DTNA: variants seen among roughly 807,000 people sequenced by gnomAD.
The protein encoded by DTNA is dystrophin-related protein 3.
In DTNA, 43 loss-of-function variants were observed where a neutral mutation model predicts 100.7. That is an observed-to-expected ratio of 0.43 (90% CI 0.33 to 0.55). The LOEUF is 0.55. DTNA is among the 20% of genes least tolerant of loss of function. The pLI, the probability that DTNA is intolerant of heterozygous loss-of-function variation, is 0.04. For synonymous variants in DTNA, 349 were observed against 347.9 expected, an observed-to-expected ratio of 1.00 and a Z score of -0.04; for missense variants, 798 against 953.9, an observed-to-expected ratio of 0.84 and a Z score of 2.15.
intron 1 of DTNA, among the ~76,000 whole-genome samples, chr18:34,611,566 T>C (rs2054215886): frequency 6.6e-6 from 1 of 152,166 alleles, no homozygotes. Flanking sequence ...ACTCCAGGCA[T>C]ACTCTGTAGC....
intron 1 of DTNA, among the ~76,000 whole-genome samples, chr18:34,703,684 C>A (rs1040419427): frequency 1.3e-5 from 2 of 152,126 alleles, no homozygotes; most frequent in South Asian, 4.1e-4. Context: ...ACCACAGACA[C>A]CCAGAAGTGT....
chr18:34,531,082 A>G (rs2145494164), intron 1 of DTNA, among the ~76,000 whole-genome samples: 1 of 152,292 alleles, frequency 6.6e-6, no homozygotes, highest in Non-Finnish European at 1.5e-5. Flanking sequence ...TTACACAGTC[A>G]CTTAGGTCAA....
chr18:34,653,200 T>C (rs1328292097), intron 1 of DTNA, among the ~76,000 whole-genome samples: 1 of 152,214 alleles, frequency 6.6e-6, no homozygotes, highest in African/African-American at 2.4e-5. Context: ...TTTATTCTTA[T>C]AATCATGGTA....
chr18:34,706,461 A>G (rs551812099), upstream of DTNA, among the ~76,000 whole-genome samples: 1 of 152,282 alleles, frequency 6.6e-6, no homozygotes, highest in South Asian at 2.1e-4. Flanking sequence ...TTCACTAAGA[A>G]TACATTCAGA....
chr18:34,622,106 A>G (rs2056606783), intron 1 of DTNA, among the ~76,000 whole-genome samples: 1 of 152,184 alleles, frequency 6.6e-6, no homozygotes, highest in African/African-American at 2.4e-5. Flanking sequence ...GTAATAATGT[A>G]TACTTGAAAA....
At chr18:34,871,283 T>A (rs1012551745) in intron 17 of DTNA, among the ~76,000 whole-genome samples, 1 of 152,210 alleles carries the variant, frequency 6.6e-6, no homozygotes, top group African/African-American at 2.4e-5. Context: ...AATGTATGAA[T>A]CTTGTCAGAC....
intron 6 of DTNA, among the ~76,000 whole-genome samples, chr18:34,814,791 CTGTTA>C (rs1290280772): frequency 1.3e-5 from 2 of 152,048 alleles, no homozygotes; most frequent in Non-Finnish European, 2.9e-5. Context: ...ATAGACTGTT[CTGTTA>C]TATGATTTAT....
intron 11 of DTNA, among the ~76,000 whole-genome samples, chr18:34,835,208 A>G (rs1417816974): frequency 6.6e-6 from 1 of 152,226 alleles, no homozygotes; most frequent in Non-Finnish European, 1.5e-5. Context: ...GTGAGTATCA[A>G]AAAGTTAGAA....
intron 10 of DTNA, chr18:34,828,924 G>A (rs1395338945): frequency 6.9e-6 from 8 of 1,164,376 alleles, no homozygotes; most frequent in Non-Finnish European, 1.0e-5. Context: ...CATCTATCTA[G>A]GGAAGACCTG....
chr18:34,863,800 TC>T (rs1388432821), intron 16 of DTNA, among the ~76,000 whole-genome samples, 165 bp from the exon 17 acceptor site: 1 of 152,202 alleles, frequency 6.6e-6, no homozygotes, highest in Non-Finnish European at 1.5e-5. Flanking sequence ...AAGAAACACT[TC>T]CAGCTGTAAT....
intron 1 of DTNA, among the ~76,000 whole-genome samples, chr18:34,712,085 A>T (rs2083007471): frequency 1.3e-5 from 2 of 152,122 alleles, no homozygotes; most frequent in African/African-American, 4.8e-5. Context: ...AATTATTGAA[A>T]CTGACAATAT....
At chr18:34,738,689 T>A (rs375185315) in intron 1 of DTNA, among the ~76,000 whole-genome samples, 17 of 152,168 alleles carry the variant, frequency 1.1e-4, no homozygotes, top group African/African-American at 3.9e-4. Flanking sequence ...GGGTTTAGGA[T>A]GTCTGATAGA....
intron 1 of DTNA, among the ~76,000 whole-genome samples, chr18:34,565,008 A>G (rs1184222784): frequency 1.3e-5 from 2 of 152,252 alleles, no homozygotes; most frequent in Non-Finnish European, 2.9e-5. Flanking sequence ...ACTCTACCTT[A>G]TAGTAATAGT....
In DTNA at chr18:34,641,564, A is replaced by G. The variant is rs16965710; in HGVS notation, c.-1-114412A>G. On this transcript the variant is annotated intron_variant, in intron 1 of 19. Transcript: ENST00000283365. ...TCTTCTTTTATCCAGGTGGAACAAT[A>G]TCAATAATTCATTTAATCAATCTAT... Among the ~76,000 whole-genome samples the G allele has an allele frequency of 6.0e-3, 918 of 152,316 alleles. 13 individuals carry two copies. The highest frequency in any genetic ancestry group is 0.021 in the African/African-American group (871 of 41,568).
At chr18:34,622,590 GGCAGGTTCCGT>G (rs377700585) in intron 1 of DTNA, among the ~76,000 whole-genome samples, 37 of 152,298 alleles carry the variant, frequency 2.4e-4, no homozygotes, top group African/African-American at 7.7e-4. Context: ...CCTCAATGCG[GGCAGGTTCCGT>G]GCAATCTGCT....
At chr18:34,829,543 T>C in intron 11 of DTNA, 54 bp downstream of exon 11, 1 of 1,427,428 alleles carries the variant, frequency 7.0e-7, no homozygotes, top group South Asian at 1.5e-5. Flanking sequence ...ATAGCTAGAC[T>C]GATAAGTCAT....
At chr18:34,608,611 T>C (rs1256220793) in intron 1 of DTNA, among the ~76,000 whole-genome samples, 3 of 152,152 alleles carry the variant, frequency 2.0e-5, no homozygotes, top group South Asian at 2.1e-4. Flanking sequence ...ATGGGACTTA[T>C]GAAATCACAA....
intron 1 of DTNA, among the ~76,000 whole-genome samples, chr18:34,727,014 A>G (rs1335524681): frequency 2.6e-5 from 4 of 152,214 alleles, no homozygotes; most frequent in Non-Finnish European, 5.9e-5. Flanking sequence ...TCACTTGTGC[A>G]TTCTGTGTGC....
chr18:34,537,909 A>G (rs1362120175), intron 1 of DTNA, among the ~76,000 whole-genome samples: 5 of 152,076 alleles, frequency 3.3e-5, no homozygotes, highest in Non-Finnish European at 7.4e-5. Flanking sequence ...AATAAGATGC[A>G]TAACTTTAAA....
Sources: allele counts gnomAD v4.1 joint callset (sites outside exome capture counted in the v4.1 genomes callset), GRCh38; gene constraint gnomAD v4.1.1; transcripts MANE v1.5; gene names NCBI Gene and HGNC (gene_info 2026-07-23, HGNC 2026-07-21).